The following DCLK3 variants were observed in gnomAD, a reference collection of about 807,000 sequenced individuals.
DCLK3 encodes serine/threonine-protein kinase DCLK3.
DCLK3 carries 30 observed loss-of-function variants against 46.4 expected under a neutral mutation model. That is an observed-to-expected ratio of 0.65 (90% confidence interval 0.48 to 0.88). The LOEUF (loss-of-function observed/expected upper bound fraction) is 0.88. Ranked by LOEUF, DCLK3 falls within the 40% of genes least tolerant of loss-of-function variation. The pLI is 0.00. For missense variants in DCLK3, 846 were observed against 907.1 expected (o/e 0.93, Z 0.87); for synonymous variants, 401 against 339.2 (o/e 1.18, Z -2.00).
intron 2 of DCLK3, among the ~76,000 whole-genome samples, chr3:36,730,176 T>C (rs1701181696): frequency 6.8e-6 from 1 of 147,662 alleles, no homozygotes; most frequent in African/African-American, 2.6e-5. Flanking sequence ...TCAAAATATA[T>C]GTACATACAC....
chr3:36,758,678 A>T (rs1575148760), intron 1 of DCLK3, among the ~76,000 whole-genome samples: 1 of 152,358 alleles, frequency 6.6e-6, no homozygotes, highest in Non-Finnish European at 1.5e-5. Flanking sequence ...GTTCTTTACA[A>T]ATTACCCAGG....
At position 36,739,005 on chromosome 3, in the gene DCLK3, C is replaced by G. The variant is rs1701309911; in HGVS notation, c.162G>C (p.Leu54=). The G allele has an allele frequency of 1.0e-5, 4 of 398,914 alleles. No individual in the cohort carries two copies. The highest frequency in any genetic ancestry group is 4.4e-5 in the Admixed American group (1 of 22,726). The allele number at this position is 398,914 out of a possible 1,614,324, so 24.7% of individuals were successfully genotyped here. A position where few individuals can be genotyped will look rare whatever the true frequency, so the allele number is the denominator to read the frequency against. The change falls in exon 2 of 5, where the codon CTG becomes CTC. Residue 54 remains leucine (L), a synonymous_variant. Transcript: ENST00000636136. ...TCTCCAGATTCCCTCGGCTGGCAGG[C>G]AGCCAGGAGCCTTGCAGCTTCCGCT... ...ITERKLQGSW[L]PASRGNLEKP...
chr3:36,727,536 A>T (rs534414445), intron 2 of DCLK3, among the ~76,000 whole-genome samples: 2 of 152,360 alleles, frequency 1.3e-5, no homozygotes, highest in South Asian at 4.1e-4. Context: ...ATCTGTTTTT[A>T]GAGTATGATA....
In DCLK3 at chr3:36,714,435, T is replaced by A. The variant is rs887361842; in HGVS notation, c.*893A>T. 9.9e-5 allele frequency: 15 copies of A among 152,184 alleles called. No homozygotes were observed. Among genetic ancestry groups the A allele is most frequent in the African/African-American group, 1.7e-4 (7 of 41,438 alleles). The allele number at this position is 152,184 out of a possible 1,614,324, so 9.4% of individuals were successfully genotyped here. A position where few individuals can be genotyped will look rare whatever the true frequency, so the allele number is the denominator to read the frequency against. On this transcript the variant is annotated 3_prime_UTR_variant, in exon 5 of 5. Coordinates refer to ENST00000636136, the MANE Select transcript of DCLK3 (RefSeq NM_001394672.2). ...AAAGACCAATATTTCAGCACAGAAA[T>A]CTGGAATGTGTCCTGGGTGTATGCC...
At chr3:36,730,193 T>TACACACACAC (rs55833576) in intron 2 of DCLK3, among the ~76,000 whole-genome samples, 27 of 143,172 alleles carry the variant, frequency 1.9e-4, no homozygotes, top group African/African-American at 7.2e-4. Flanking sequence ...ACACCATATA[T>TACACACACAC]ACACACACAC....
intron 4 of DCLK3, among the ~76,000 whole-genome samples, chr3:36,717,717 C>T (rs888435023): frequency 6.6e-5 from 10 of 152,170 alleles, no homozygotes; most frequent in African/African-American, 2.4e-4. Context: ...CTTTCTCTTT[C>T]CAAAGGGGAG....
At chr3:36,746,263 G>C (rs114304937) in intron 1 of DCLK3, among the ~76,000 whole-genome samples, 1,967 of 152,240 alleles carry the variant, frequency 0.013, 45 homozygotes, top group African/African-American at 0.044. Flanking sequence ...GAGAGATATT[G>C]GCCAGGCCTT....
At chr3:36,748,063 G>C (rs1490212241) in intron 1 of DCLK3, among the ~76,000 whole-genome samples, 1 of 152,218 alleles carries the variant, frequency 6.6e-6, no homozygotes, top group Admixed American at 6.5e-5. Context: ...AGCCCTTAAA[G>C]TATGGCAGCA....
At chr3:36,760,591 T>C (rs1026604262) in intron 1 of DCLK3, among the ~76,000 whole-genome samples, 2 of 151,956 alleles carry the variant, frequency 1.3e-5, no homozygotes, top group East Asian at 3.9e-4. Context: ...CTAACCTGCA[T>C]GTTGTGCACA....
chr3:36,715,793 T>C (rs1340106667), intron 4 of DCLK3, among the ~76,000 whole-genome samples: 1 of 152,202 alleles, frequency 6.6e-6, no homozygotes, highest in East Asian at 1.9e-4. Context: ...TACATTTGCA[T>C]TTAAATAGCC....
At chr3:36,719,409 G>T (rs925283060) in intron 3 of DCLK3, among the ~76,000 whole-genome samples, 3 of 152,154 alleles carry the variant, frequency 2.0e-5, no homozygotes, top group African/African-American at 7.2e-5. Flanking sequence ...AAAAGAATAA[G>T]TCACTAATGA....
intron 2 of DCLK3, among the ~76,000 whole-genome samples, chr3:36,722,123 G>T (rs750708126): frequency 1.3e-5 from 2 of 151,984 alleles, no homozygotes; most frequent in African/African-American, 2.4e-5. Flanking sequence ...ATGAGCATTA[G>T]AAAATGCCTC....
At chr3:36,762,052 T>A (rs913028321) in intron 1 of DCLK3, among the ~76,000 whole-genome samples, 1 of 152,068 alleles carries the variant, frequency 6.6e-6, no homozygotes, top group Non-Finnish European at 1.5e-5. Flanking sequence ...AGCAACTCTG[T>A]TTTTTGCTTT....
At chr3:36,724,027 G>A (rs1018213926) in intron 2 of DCLK3, among the ~76,000 whole-genome samples, 4 of 152,156 alleles carry the variant, frequency 2.6e-5, no homozygotes, top group Non-Finnish European at 4.4e-5. Flanking sequence ...GCTGTACCCT[G>A]CAAAACCACA....
chr3:36,725,715 C>T (rs1559387784), intron 2 of DCLK3, among the ~76,000 whole-genome samples: 1 of 152,214 alleles, frequency 6.6e-6, no homozygotes, highest in African/African-American at 2.4e-5. Context: ...AAAGTAATAG[C>T]TCTAGAGTGA....
intron 3 of DCLK3, among the ~76,000 whole-genome samples, chr3:36,720,956 C>T (rs1340325364): frequency 6.6e-6 from 1 of 152,180 alleles, no homozygotes; most frequent in Non-Finnish European, 1.5e-5. Flanking sequence ...CCACAGTAGT[C>T]AAATAGTCAT....
chr3:36,759,647 ACT>A (rs1296705606), intron 1 of DCLK3, among the ~76,000 whole-genome samples: 2 of 151,700 alleles, frequency 1.3e-5, no homozygotes, highest in African/African-American at 4.8e-5. Flanking sequence ...GCTCCAAACA[ACT>A]CTTAGTTCAG....
chr3:36,746,977 G>A (rs1048876843), intron 1 of DCLK3, among the ~76,000 whole-genome samples: 5 of 152,214 alleles, frequency 3.3e-5, no homozygotes, highest in Non-Finnish European at 1.5e-5. Context: ...AAGATATACA[G>A]TGAAATTCCA....
intron 4 of DCLK3, 84 bp downstream of exon 4, chr3:36,717,926 C>A: frequency 1.3e-6 from 2 of 1,548,772 alleles, no homozygotes; most frequent in Admixed American, 1.7e-5. Flanking sequence ...CAACTCTGCA[C>A]CAGGCACAGT....
Sources: allele counts gnomAD v4.1 joint callset (sites outside exome capture counted in the v4.1 genomes callset), GRCh38; gene constraint gnomAD v4.1.1; transcripts MANE v1.5; gene names NCBI Gene and HGNC (gene_info 2026-07-23, HGNC 2026-07-21).